The following SETDB1 variants were observed in gnomAD, a reference collection of about 807,000 sequenced individuals.
SETDB1 encodes histone-lysine N-methyltransferase SETDB1.
SETDB1 carries 31 observed loss-of-function variants against 137.4 expected under a neutral mutation model. The ratio of observed to expected loss-of-function variants is 0.23; its 90% CI spans 0.17 to 0.30. The LOEUF (loss-of-function observed/expected upper bound fraction) is 0.30. Among genes scored for constraint, SETDB1 ranks in the 10% least tolerant of loss-of-function variants. The probability of loss-of-function intolerance (pLI) is 1.00; values close to 1 mark genes in which losing one functional copy is unlikely to be tolerated. For missense variants in SETDB1, 1,113 were observed against 1,631.5 expected (o/e 0.68, Z 5.47); for synonymous variants, 548 against 579.9 (o/e 0.95, Z 0.79).
intron 14 of SETDB1, among the ~76,000 whole-genome samples, chr1:150,951,881 C>G (rs1452672621): frequency 6.6e-6 from 1 of 152,166 alleles, no homozygotes; most frequent in Non-Finnish European, 1.5e-5. Flanking sequence ...GGCACAGTGG[C>G]TCACACCTGT....
chr1:150,933,576 T>A (rs1020497007), intron 3 of SETDB1, among the ~76,000 whole-genome samples: 1 of 150,348 alleles, frequency 6.7e-6, no homozygotes, highest in African/African-American at 2.4e-5. Flanking sequence ...AGGATTTCTC[T>A]GTGTTGGCCA....
intron 16 of SETDB1, 161 bp from the exon 17 acceptor site, chr1:150,961,969 G>C (rs779195171): frequency 2.9e-5 from 23 of 791,700 alleles, no homozygotes; most frequent in African/African-American, 6.7e-5. Context: ...AGGGAGTGTA[G>C]TGAGGATTTC....
In SETDB1 at chr1:150,926,432, C is replaced by A; in HGVS notation, c.-97C>A. On this transcript the variant is annotated 5_prime_UTR_variant, in exon 1 of 22. Transcript: ENST00000692827. ...CCCTCCTCCCTTATCCCTTCGCTTT[C>A]GCTCTTTTCCGTCGAGGCCGACCCC... 3.5e-6 allele frequency: 1 copy of A among 282,176 alleles called. No individual in the cohort carries two copies. The highest frequency in any genetic ancestry group is 6.9e-6 in the Non-Finnish European group (1 of 145,198). 17.5% of individuals were successfully genotyped at this position (282,176 alleles called of 1,614,324 possible).
At chr1:150,947,635 G>T (rs922181843) in intron 10 of SETDB1, among the ~76,000 whole-genome samples, 1 of 152,086 alleles carries the variant, frequency 6.6e-6, no homozygotes, top group Non-Finnish European at 1.5e-5. Flanking sequence ...AATTAGCTGG[G>T]TACAGTGGCA....
At chr1:150,953,873 T>A (rs1332961114) in intron 14 of SETDB1, among the ~76,000 whole-genome samples, 1 of 151,724 alleles carries the variant, frequency 6.6e-6, no homozygotes, top group Admixed American at 6.6e-5. Context: ...TTTTTTTTTT[T>A]AGATGGAGTC....
chr1:150,941,866 G>T (rs1331366465), intron 5 of SETDB1, among the ~76,000 whole-genome samples: 2 of 152,132 alleles, frequency 1.3e-5, no homozygotes, highest in Admixed American at 1.3e-4. Flanking sequence ...GATGGGCCAG[G>T]CACGGTGGCT....
At chr1:150,936,810 C>T (rs949492047) in intron 3 of SETDB1, among the ~76,000 whole-genome samples, 6 of 152,058 alleles carry the variant, frequency 3.9e-5, no homozygotes, top group Admixed American at 2.0e-4. Context: ...AGTGCCACCA[C>T]GCCTGCCTGA....
rs1670201086 is a variant in SETDB1, at chr1:150,942,639, G to A, written c.624G>A (p.Lys208=). ...LIVSMRILGK[K]RTKTWHKGTL... is the part of the protein sequence containing the mutation. Reference sequence around the variant, plus strand: ...TCAGCATGCGAATTCTGGGCAAGAAGAGAACTAAGACTTGGCACAAAGGCA... The same window carrying A: ...TCAGCATGCGAATTCTGGGCAAGAAAAGAACTAAGACTTGGCACAAAGGCA... Residue 208 remains lysine, a synonymous_variant, in exon 6 of 22, where the codon AAG becomes AAA. Transcript: ENST00000692827. The A allele has an allele frequency of 6.2e-7, 1 of 1,614,046 alleles. No homozygotes were observed. Among genetic ancestry groups the A allele is most frequent in the Admixed American group, 1.7e-5 (1 of 59,974 alleles).
In SETDB1 at chr1:150,947,328, C is replaced by CT. The variant is rs754618974; in HGVS notation, c.1267+326dup. Among the ~76,000 whole-genome samples the CT allele has an allele frequency of 8.7e-3, 1,296 of 149,040 alleles. 7 individuals are homozygous for CT. The highest frequency in any genetic ancestry group is 0.012 in the Non-Finnish European group (811 of 67,028). ...TATCTATGGTTAGTTTTTTCTTTTT[C>CT]TTTTTTTTTTAAATAGACCCGGGGC... On this transcript the variant is annotated intron_variant, in intron 10 of 21. Transcript: ENST00000692827.
intron 2 of SETDB1, among the ~76,000 whole-genome samples, chr1:150,928,706 CTTACA>C (rs1450403116): frequency 3.3e-5 from 5 of 152,120 alleles, no homozygotes; most frequent in African/African-American, 9.7e-5. Context: ...GTTGGTGTCA[CTTACA>C]TTAGGTATAT....
rs1465359142 is a variant in SETDB1, at chr1:150,945,072, G to A, written c.1104G>A (p.Glu368=). The stretch of plus-strand genomic sequence containing the variant: ...GCACGTGGTGGAAGTCCCGAGTTGA[G>A]GAGGTGGATGGCAGCCTAGTCAGGA... ...WEGTWWKSRV[E]EVDGSLVRIL... The change falls in exon 9 of 22, where the codon GAG becomes GAA. Residue 368 remains glutamate (E), a synonymous_variant. Transcript: ENST00000692827. 6.2e-7 allele frequency: 1 copy of A among 1,614,142 alleles called. No homozygotes were observed.
At chr1:150,942,214 G>A (rs898963228) in intron 5 of SETDB1, among the ~76,000 whole-genome samples, 5 of 151,880 alleles carry the variant, frequency 3.3e-5, no homozygotes, top group African/African-American at 1.2e-4. Context: ...ACCGAGGCAG[G>A]CGGATCATGA....
At chr1:150,959,819 C>A (rs1474834570) in intron 15 of SETDB1, among the ~76,000 whole-genome samples, 1 of 152,174 alleles carries the variant, frequency 6.6e-6, no homozygotes, top group Non-Finnish European at 1.5e-5. Context: ...TGCCTGTAAT[C>A]CCAAAACTTT....
rs1444166556 is a variant in SETDB1, at chr1:150,951,274, C to T, written c.2217-91C>T. 4 of 1,132,736 alleles carry T rather than the reference C, an allele frequency of 3.5e-6. No homozygotes were observed. In the African/African-American group the frequency reaches 6.1e-5, roughly 17 times the overall value. 70.2% of individuals were successfully genotyped at this position (1,132,736 alleles called of 1,614,324 possible). Reference sequence around the variant, plus strand: ...GTAGGGAGGCTGGAGTCTGACATGGCCACACTGAGCAACCTTGGGTACATG... The same window carrying T: ...GTAGGGAGGCTGGAGTCTGACATGGTCACACTGAGCAACCTTGGGTACATG... On this transcript the variant is annotated intron_variant, in intron 13 of 21. Transcript: ENST00000692827.
chr1:150,951,246 G>C (rs587754689), intron 13 of SETDB1, 119 bp from the exon 14 acceptor site: 1 of 1,112,648 alleles, frequency 9.0e-7, no homozygotes, highest in East Asian at 2.4e-5. Context: ...TGAAAGCTAT[G>C]AGGTAGGGAG....
At chr1:150,958,521 A>G (rs994782018) in intron 14 of SETDB1, among the ~76,000 whole-genome samples, 2 of 151,834 alleles carry the variant, frequency 1.3e-5, no homozygotes, top group Admixed American at 6.6e-5. Context: ...AAGTGCTGGG[A>G]TTATAGGCAT....
intron 10 of SETDB1, 104 bp downstream of exon 10, chr1:150,947,116 C>A: frequency 7.5e-7 from 1 of 1,335,538 alleles, no homozygotes; most frequent in Non-Finnish European, 1.0e-6. Context: ...ACTGTATACT[C>A]ATTGGAAACA....
At chr1:150,944,872 G>C (rs1350096639) in intron 8 of SETDB1, 46 bp from the exon 9 acceptor site, 1 of 1,605,908 alleles carries the variant, frequency 6.2e-7, no homozygotes, top group African/African-American at 1.3e-5. Flanking sequence ...TCCCTATCAA[G>C]ACATGCCCTA....
intron 4 of SETDB1, 79 bp downstream of exon 4, chr1:150,940,053 GT>G: frequency 9.8e-7 from 1 of 1,023,396 alleles, no homozygotes. Flanking sequence ...CATTTAATCA[GT>G]TTAGCTGTCA....
Sources: allele counts gnomAD v4.1 joint callset (sites outside exome capture counted in the v4.1 genomes callset), GRCh38; gene constraint gnomAD v4.1.1; transcripts MANE v1.5; gene names NCBI Gene and HGNC (gene_info 2026-07-23, HGNC 2026-07-21).